MACROD2: variants seen among roughly 807,000 people sequenced by gnomAD.
The protein encoded by MACROD2 is ADP-ribose glycohydrolase MACROD2.
In MACROD2, 36 loss-of-function variants were observed where a neutral mutation model predicts 70.4. That is an observed-to-expected ratio of 0.51 (90% CI 0.39 to 0.68). The LOEUF is 0.68. Among genes scored for constraint, MACROD2 ranks in the 30% least tolerant of loss-of-function variants. MACROD2 has a pLI of 0.00. For missense variants in MACROD2, 496 were observed against 538.4 expected, an observed-to-expected ratio of 0.92 and a Z score of 0.78; for synonymous variants, 172 against 178.8, an observed-to-expected ratio of 0.96 and a Z score of 0.30.
intron 9 of MACROD2, among the ~76,000 whole-genome samples, chr20:15,884,404 A>G (rs1461350850): frequency 1.3e-5 from 2 of 152,066 alleles, no homozygotes; most frequent in African/African-American, 4.8e-5. Context: ...GGGTGGTAGC[A>G]TGCATGTAAC....
chr20:14,203,012 A>G (rs2081492587), intron 3 of MACROD2, among the ~76,000 whole-genome samples: 1 of 151,594 alleles, frequency 6.6e-6, no homozygotes, highest in Non-Finnish European at 1.5e-5. Flanking sequence ...GTGTCATTGC[A>G]CTCCAGCCTG....
chr20:15,579,544 A>G (rs1174920463), intron 8 of MACROD2, among the ~76,000 whole-genome samples: 1 of 152,192 alleles, frequency 6.6e-6, no homozygotes, highest in African/African-American at 2.4e-5. Flanking sequence ...TTAACTGCCA[A>G]ACTGAGGGGA....
At chr20:14,500,944 C>T (rs1410901999) in intron 4 of MACROD2, among the ~76,000 whole-genome samples, 1 of 151,952 alleles carries the variant, frequency 6.6e-6, no homozygotes, top group Non-Finnish European at 1.5e-5. Context: ...ATTACTGTCT[C>T]TCATCCCGGA....
chr20:15,313,228 C>T (rs773426286), intron 6 of MACROD2, among the ~76,000 whole-genome samples: 7 of 152,040 alleles, frequency 4.6e-5, no homozygotes, highest in Admixed American at 6.6e-5. Context: ...GATATGCGGC[C>T]GTGTGCGGTG....
At chr20:15,035,756 G>A (rs951888826) in intron 5 of MACROD2, among the ~76,000 whole-genome samples, 1 of 152,194 alleles carries the variant, frequency 6.6e-6, no homozygotes, top group Admixed American at 6.5e-5. Flanking sequence ...ACTAGACAGA[G>A]GGACCCTGTT....
intron 3 of MACROD2, among the ~76,000 whole-genome samples, chr20:14,105,097 G>A (rs2054351317): frequency 6.6e-6 from 1 of 152,104 alleles, no homozygotes; most frequent in African/African-American, 2.4e-5. Context: ...TGAGTAAGGA[G>A]GAAGGCTGAA....
intron 4 of MACROD2, among the ~76,000 whole-genome samples, chr20:14,667,270 C>T (rs1000584783): frequency 2.0e-5 from 3 of 152,102 alleles, no homozygotes; most frequent in Non-Finnish European, 4.4e-5. Context: ...CTAGCCAGCA[C>T]TCCTGTATAA....
intron 10 of MACROD2, among the ~76,000 whole-genome samples, chr20:15,907,248 A>G (rs2065161262): frequency 6.6e-6 from 1 of 152,220 alleles, no homozygotes; most frequent in Non-Finnish European, 1.5e-5. Context: ...AAACAGAACG[A>G]TCAGATTATC....
At chr20:14,859,365 G>A (rs1160586460) in intron 5 of MACROD2, among the ~76,000 whole-genome samples, 1 of 152,060 alleles carries the variant, frequency 6.6e-6, no homozygotes, top group Admixed American at 6.6e-5. Context: ...TAAGAAAAAG[G>A]CAAGGGCTGC....
chr20:14,343,338 C>G (rs1362790720), intron 3 of MACROD2, among the ~76,000 whole-genome samples: 1 of 151,980 alleles, frequency 6.6e-6, no homozygotes, highest in African/African-American at 2.4e-5. Context: ...CTATGTGGCC[C>G]TGAGAAAATA....
chr20:15,654,415 G>A (rs369359257), intron 8 of MACROD2, among the ~76,000 whole-genome samples: 1 of 152,180 alleles, frequency 6.6e-6, no homozygotes. Context: ...CAGAGGAGAT[G>A]GGAGTTCAGA....
chr20:14,481,758 T>C (rs775587638), intron 3 of MACROD2, among the ~76,000 whole-genome samples: 1 of 152,216 alleles, frequency 6.6e-6, no homozygotes, highest in Non-Finnish European at 1.5e-5. Flanking sequence ...GCCCATGACC[T>C]TGGGCAAATA....
At chr20:16,046,081 G>A (rs2067376537) in intron 17 of MACROD2, among the ~76,000 whole-genome samples, 2 of 152,104 alleles carry the variant, frequency 1.3e-5, no homozygotes, top group Admixed American at 6.5e-5. Flanking sequence ...CTTGCCCCCT[G>A]TACCTCCTTG....
chr20:14,102,499 G>T (rs1345214553), intron 3 of MACROD2, among the ~76,000 whole-genome samples: 6 of 152,116 alleles, frequency 3.9e-5, no homozygotes, highest in African/African-American at 1.4e-4. Flanking sequence ...GGGAGCAATA[G>T]TTCTTAGCAT....
intron 4 of MACROD2, among the ~76,000 whole-genome samples, chr20:14,555,105 C>A (rs184911393): frequency 2.6e-5 from 4 of 151,404 alleles, no homozygotes; most frequent in Non-Finnish European, 4.4e-5. Flanking sequence ...TAAAAAACTA[C>A]AAGAGTGTAA....
intron 5 of MACROD2, among the ~76,000 whole-genome samples, chr20:15,001,976 TAC>T (rs1324157048): frequency 6.6e-6 from 1 of 151,508 alleles, no homozygotes; most frequent in Non-Finnish European, 1.5e-5. Context: ...CACACACATA[TAC>T]ACACACACAC....
intron 8 of MACROD2, among the ~76,000 whole-genome samples, chr20:15,825,731 C>T (rs2063990577): frequency 6.6e-6 from 1 of 152,028 alleles, no homozygotes; most frequent in Admixed American, 6.6e-5. Context: ...AGAATTGTCA[C>T]CTCTGATTTT....
intron 3 of MACROD2, among the ~76,000 whole-genome samples, chr20:14,367,361 C>G (rs1312110018): frequency 6.6e-6 from 1 of 152,126 alleles, no homozygotes; most frequent in Admixed American, 6.5e-5. Context: ...GTTACTTTTA[C>G]TAGAGCGCTG....
rs186654045 is a variant in MACROD2, at chr20:14,977,500, C to A, written c.419-252440C>A. 8.4e-3 allele frequency among the ~76,000 whole-genome samples: 1,241 copies of A among 147,850 alleles called. 26 individuals carry two copies. The highest frequency in any genetic ancestry group is 0.03 in the African/African-American group (1,180 of 38,852). On this transcript the variant is annotated intron_variant, in intron 5 of 17. Transcript: ENST00000684519. ...ACACACACACACACACACACACACA[C>A]AATTAGGGTTTAGGGTGACCTGAAG...
Sources: gnomAD v4.1 joint callset for allele counts (sites outside exome capture counted in the v4.1 genomes callset) on GRCh38, gnomAD v4.1.1 for gene constraint, MANE v1.5 for transcripts, NCBI Gene and HGNC (gene_info 2026-07-23, HGNC 2026-07-21) for gene names.